TAFA2: variants seen among roughly 807,000 people sequenced by gnomAD.
The protein encoded by TAFA2 is chemokine-like protein TAFA-2.
Under a neutral mutation model 18.8 loss-of-function variants are expected in TAFA2, and 7 were observed. That is an observed-to-expected ratio of 0.37 (90% CI 0.21 to 0.70). The LOEUF is 0.70. TAFA2 is among the 30% of genes least tolerant of loss of function. The pLI, the probability that TAFA2 is intolerant of heterozygous loss-of-function variation, is 0.53. For synonymous variants in TAFA2, 60 were observed against 54.2 expected (o/e 1.11, Z -0.47); for missense variants, 122 against 158.1 (o/e 0.77, Z 1.23).
chr12:62,134,800 C>A (rs1012436263), intron 1 of TAFA2, among the ~76,000 whole-genome samples: 3 of 151,256 alleles, frequency 2.0e-5, no homozygotes, highest in African/African-American at 7.3e-5. Flanking sequence ...TAACTTCATA[C>A]TCCTCAATCT....
chr12:62,189,187 CA>C (rs1273073974), intron 1 of TAFA2, among the ~76,000 whole-genome samples: 5 of 148,532 alleles, frequency 3.4e-5, no homozygotes, highest in Admixed American at 2.0e-4. Context: ...TCAAGATTTT[CA>C]CATAAAAAAA....
rs114287314 is a variant in TAFA2, at chr12:61,984,048, T to G, written c.-1-116622A>C. On this transcript the variant is annotated intron_variant, in intron 1 of 4. Coordinates refer to ENST00000416284, the MANE Select transcript of TAFA2 (RefSeq NM_178539.5). ...TAAAGCTGTACCTGACACACTCATA[T>G]AAACACGCACTCATTTTACCAACAA... 2.2e-3 allele frequency among the ~76,000 whole-genome samples: 338 copies of G among 152,320 alleles called. 3 individuals carry two copies. The highest frequency in any genetic ancestry group is 7.7e-3 in the African/African-American group (319 of 41,580).
chr12:62,143,065 C>T (rs1218348177), intron 1 of TAFA2, among the ~76,000 whole-genome samples: 1 of 152,178 alleles, frequency 6.6e-6, no homozygotes, highest in Non-Finnish European at 1.5e-5. Flanking sequence ...ACAACCCCTC[C>T]ATACCTGCCT....
chr12:61,974,619 T>C (rs961064593), intron 1 of TAFA2, among the ~76,000 whole-genome samples: 1 of 151,788 alleles, frequency 6.6e-6, no homozygotes, highest in Non-Finnish European at 1.5e-5. Context: ...AAGTGCAATT[T>C]ACACTGTTGC....
At chr12:62,167,698 A>G (rs1045612442) in intron 1 of TAFA2, among the ~76,000 whole-genome samples, 13 of 152,180 alleles carry the variant, frequency 8.5e-5, no homozygotes, top group African/African-American at 2.9e-4. Context: ...CTAAAAAACA[A>G]CAGATGTCCC....
At chr12:62,102,953 T>C (rs1869275735) in intron 1 of TAFA2, among the ~76,000 whole-genome samples, 1 of 152,210 alleles carries the variant, frequency 6.6e-6, no homozygotes. Flanking sequence ...GAAACTTATG[T>C]TTCCCACATA....
chr12:62,032,484 A>G (rs1322584509), intron 1 of TAFA2, among the ~76,000 whole-genome samples: 2 of 152,178 alleles, frequency 1.3e-5, no homozygotes, highest in Non-Finnish European at 2.9e-5. Context: ...TGTACTAATA[A>G]TTGTAACTAT....
intron 1 of TAFA2, among the ~76,000 whole-genome samples, chr12:62,087,604 T>C (rs187744404): frequency 6.6e-6 from 1 of 152,216 alleles, no homozygotes; most frequent in Admixed American, 6.5e-5. Context: ...GAGTGGATCC[T>C]GGGAATGTAG....
intron 2 of TAFA2, among the ~76,000 whole-genome samples, chr12:61,789,888 C>T (rs1045911115): frequency 2.0e-5 from 3 of 151,620 alleles, no homozygotes. Context: ...GCCCTGATAT[C>T]AAAACTATAC....
At chr12:62,034,585 T>C (rs1881550839) in intron 1 of TAFA2, among the ~76,000 whole-genome samples, 1 of 152,178 alleles carries the variant, frequency 6.6e-6, no homozygotes, top group African/African-American at 2.4e-5. Flanking sequence ...ATGCTAACTA[T>C]ATTTGACTGA....
intron 2 of TAFA2, among the ~76,000 whole-genome samples, chr12:61,757,198 A>G (rs1043295673): frequency 8.5e-5 from 13 of 152,084 alleles, no homozygotes; most frequent in Non-Finnish European, 1.6e-4. Flanking sequence ...CAAGGATGAG[A>G]CTTAGACTAG....
intron 1 of TAFA2, among the ~76,000 whole-genome samples, chr12:61,939,407 A>G (rs1462411542): frequency 6.6e-6 from 1 of 152,194 alleles, no homozygotes; most frequent in Non-Finnish European, 1.5e-5. Context: ...ATTTGAATAC[A>G]ATGTGTATCT....
chr12:61,877,903 TTATA>T (rs1319686903), intron 1 of TAFA2, among the ~76,000 whole-genome samples: 2 of 144,010 alleles, frequency 1.4e-5, no homozygotes, highest in African/African-American at 2.6e-5. Flanking sequence ...ATTGTGATTT[TTATA>T]TATATATATA....
chr12:61,997,201 A>G (rs539091940), intron 1 of TAFA2, among the ~76,000 whole-genome samples: 15,576 of 147,536 alleles, frequency 0.11, 931 homozygotes, highest in East Asian at 0.17. Context: ...GTATATATAT[A>G]TATATAACCC....
At chr12:62,197,167 T>TC (rs1181488910), upstream of TAFA2, among the ~76,000 whole-genome samples, 4 of 152,062 alleles carry the variant, frequency 2.6e-5, no homozygotes, top group Admixed American at 2.6e-4. Context: ...CCCGAAATTA[T>TC]CCCCCACCAA....
At chr12:61,791,015 T>C (rs1345979447) in intron 2 of TAFA2, among the ~76,000 whole-genome samples, 1 of 151,650 alleles carries the variant, frequency 6.6e-6, no homozygotes, top group African/African-American at 2.4e-5. Flanking sequence ...AAGAAACACA[T>C]AGACCAATGG....
chr12:62,138,923 C>G (rs937489734), intron 1 of TAFA2, among the ~76,000 whole-genome samples: 8 of 152,040 alleles, frequency 5.3e-5, no homozygotes, highest in Non-Finnish European at 1.2e-4. Flanking sequence ...ATAATAAGTG[C>G]CACAAGAATT....
intron 1 of TAFA2, among the ~76,000 whole-genome samples, chr12:61,953,645 A>G (rs760122172): frequency 5.3e-5 from 8 of 152,166 alleles, no homozygotes; most frequent in East Asian, 1.9e-4. Flanking sequence ...GATACTTTAT[A>G]GTAACACACA....
At chr12:62,201,622 C>T (rs2062671440) in intron 1 of TAFA2, among the ~76,000 whole-genome samples, 1 of 152,190 alleles carries the variant, frequency 6.6e-6, no homozygotes. Context: ...TTTTGATGTG[C>T]TGCTGCATTT....
Sources: allele counts gnomAD v4.1 joint callset (sites outside exome capture counted in the v4.1 genomes callset), GRCh38; gene constraint gnomAD v4.1.1; transcripts MANE v1.5; gene names NCBI Gene and HGNC (gene_info 2026-07-23, HGNC 2026-07-21).